AP3S1: variants seen among roughly 807,000 people sequenced by gnomAD.
AP3S1 encodes the protein adaptor related protein complex 3 subunit sigma 1, also known as AP-3 complex subunit sigma-1.
Under a neutral mutation model 21.3 loss-of-function variants are expected in AP3S1, and 12 were observed. The observed-to-expected ratio is 0.56, with a 90% confidence interval of 0.36 to 0.91. The LOEUF (loss-of-function observed/expected upper bound fraction) is 0.91, where lower values mean the gene tolerates loss of function less well. AP3S1 is among the 40% of genes least tolerant of loss of function. AP3S1 has a pLI of 0.01. For missense variants in AP3S1, 116 were observed against 225.0 expected (o/e 0.52, Z 3.10); for synonymous variants, 48 against 78.4 (o/e 0.61, Z 2.05).
intron 5 of AP3S1, among the ~76,000 whole-genome samples, chr5:115,907,731 A>G (rs772251977): frequency 2.0e-5 from 3 of 152,172 alleles, no homozygotes; most frequent in Non-Finnish European, 4.4e-5. Context: ...AATATTTTTA[A>G]TAGACCTCTA....
intron 1 of AP3S1, among the ~76,000 whole-genome samples, chr5:115,843,923 G>A (rs965310295): frequency 2.0e-5 from 3 of 152,232 alleles, no homozygotes; most frequent in Non-Finnish European, 4.4e-5. Context: ...TTTGGCAGGA[G>A]TGGCAGCTCT....
At chr5:115,882,671 C>T (rs750342399) in intron 3 of AP3S1, among the ~76,000 whole-genome samples, 3 of 152,058 alleles carry the variant, frequency 2.0e-5, no homozygotes, top group South Asian at 2.1e-4. Context: ...TTAGGAGGCA[C>T]GGGGGTCAGG....
In AP3S1 at chr5:115,878,509, A is replaced by T. The variant is rs901362200; in HGVS notation, c.273+8381A>T. Among the ~76,000 whole-genome samples the T allele has an allele frequency of 4.6e-5, 7 of 152,160 alleles. No individual in the cohort carries two copies. In the South Asian group the frequency reaches 1.5e-3, roughly 32 times the overall value. On this transcript the variant is annotated intron_variant, in intron 3 of 5. Transcript: ENST00000316788. ...TTTACCAAAGGTCAGATGGTTGTAG[A>T]TGTGTGGCATTATTTCTGAGGCCTC...
intron 3 of AP3S1, among the ~76,000 whole-genome samples, chr5:115,891,732 T>G (rs1175807094): frequency 1.3e-5 from 2 of 152,020 alleles, no homozygotes; most frequent in Admixed American, 1.3e-4. Flanking sequence ...GACCCCAGAA[T>G]GATAGATCCA....
chr5:115,901,392 C>CTTT (rs35793318), intron 4 of AP3S1, among the ~76,000 whole-genome samples: 1 of 111,648 alleles, frequency 9.0e-6, no homozygotes, highest in Non-Finnish European at 1.9e-5. Context: ...TGCCTATATT[C>CTTT]TTTTTTTTTT....
intron 1 of AP3S1, among the ~76,000 whole-genome samples, chr5:115,856,883 A>G (rs1455428318): frequency 2.6e-5 from 4 of 152,218 alleles, no homozygotes; most frequent in African/African-American, 9.6e-5. Context: ...GTCACCATGC[A>G]GTTCAGTAGA....
intron 5 of AP3S1, chr5:115,906,773 TCCGAACA>T: frequency 1.4e-6 from 2 of 1,388,100 alleles, no homozygotes; most frequent in Admixed American, 2.6e-5. Context: ...CTCTTTTTTT[TCCGAACA>T]TCCTGATCTT....
chr5:115,889,943 C>T (rs1328569862), intron 3 of AP3S1, among the ~76,000 whole-genome samples: 1 of 152,040 alleles, frequency 6.6e-6, no homozygotes, highest in African/African-American at 2.4e-5. Flanking sequence ...AAATTAATAC[C>T]ATCATATACC....
chr5:115,884,317 A>G (rs1002337405), intron 3 of AP3S1, among the ~76,000 whole-genome samples: 36 of 152,120 alleles, frequency 2.4e-4, no homozygotes, highest in Admixed American at 2.3e-3. Flanking sequence ...ATTTTCCTTT[A>G]CTTTTCAGCT....
chr5:115,878,323 T>C (rs1354589859), intron 3 of AP3S1, among the ~76,000 whole-genome samples: 3 of 152,250 alleles, frequency 2.0e-5, no homozygotes, highest in Non-Finnish European at 4.4e-5. Context: ...CTAGGGTTTT[T>C]ATGGTTTTGG....
intron 3 of AP3S1, among the ~76,000 whole-genome samples, chr5:115,885,184 A>C (rs958368222): frequency 3.9e-5 from 6 of 152,184 alleles, no homozygotes; most frequent in Non-Finnish European, 1.5e-5. Context: ...TGTTCTCCAG[A>C]GAGACAGACC....
intron 5 of AP3S1, chr5:115,906,969 C>T: frequency 7.6e-7 from 1 of 1,322,698 alleles, no homozygotes; most frequent in South Asian, 2.5e-5. Flanking sequence ...GTTAATAAAC[C>T]CATATAGTCC....
intron 2 of AP3S1, among the ~76,000 whole-genome samples, chr5:115,867,556 T>G (rs1428374933): frequency 6.6e-6 from 1 of 152,188 alleles, no homozygotes; most frequent in Non-Finnish European, 1.5e-5. Flanking sequence ...AGGGAATCCA[T>G]GGTCATAAGG....
intron 1 of AP3S1, among the ~76,000 whole-genome samples, chr5:115,845,691 A>G (rs1187014273): frequency 6.6e-6 from 1 of 151,836 alleles, no homozygotes; most frequent in Non-Finnish European, 1.5e-5. Flanking sequence ...AAAATTAGCC[A>G]GGCATGGTAG....
chr5:115,851,628 CTATT>C (rs1319252380), intron 1 of AP3S1, among the ~76,000 whole-genome samples: 6 of 152,004 alleles, frequency 3.9e-5, no homozygotes, highest in Non-Finnish European at 1.5e-5. Flanking sequence ...GGAAAAATAT[CTATT>C]TGAGTCTTTT....
intron 3 of AP3S1, among the ~76,000 whole-genome samples, chr5:115,882,804 A>G (rs1466489480): frequency 1.3e-5 from 2 of 152,150 alleles, no homozygotes; most frequent in African/African-American, 4.8e-5. Flanking sequence ...GCTCACAGCC[A>G]CCCCTTCCCC....
chr5:115,879,679 C>T (rs947450351), intron 3 of AP3S1, among the ~76,000 whole-genome samples: 1 of 151,270 alleles, frequency 6.6e-6, no homozygotes, highest in Admixed American at 6.6e-5. Context: ...TTGTGTCTCT[C>T]TCAGGCTCTG....
At chr5:115,873,582 A>G (rs1281515742) in intron 3 of AP3S1, among the ~76,000 whole-genome samples, 1 of 152,166 alleles carries the variant, frequency 6.6e-6, no homozygotes, top group Non-Finnish European at 1.5e-5. Flanking sequence ...TTCAATTACC[A>G]CAGTTCATTA....
chr5:115,912,799 A>C (rs1188205955), intron 5 of AP3S1, among the ~76,000 whole-genome samples: 2 of 152,018 alleles, frequency 1.3e-5, no homozygotes, highest in African/African-American at 4.8e-5. Flanking sequence ...CTATTTTTTT[A>C]ATGTTCTAGA....
Sources: gnomAD v4.1 joint callset for allele counts (sites outside exome capture counted in the v4.1 genomes callset) on GRCh38, gnomAD v4.1.1 for gene constraint, MANE v1.5 for transcripts, NCBI Gene and HGNC (gene_info 2026-07-23, HGNC 2026-07-21) for gene names.